Variants in SANBR observed in about 807,000 individuals in gnomAD.
SANBR encodes the protein SANT and BTB domain regulator of class switch recombination.
SANBR carries 77 observed loss-of-function variants against 101.8 expected under a neutral mutation model. That is an observed-to-expected ratio of 0.76 (90% CI 0.63 to 0.91). SANBR has a LOEUF of 0.91. SANBR is among the 40% of genes least tolerant of loss of function. The pLI, the probability that SANBR is intolerant of heterozygous loss-of-function variation, is 0.00. For missense variants in SANBR, 875 were observed against 853.0 expected, an observed-to-expected ratio of 1.03 and a Z score of -0.32; for synonymous variants, 279 against 274.7, an observed-to-expected ratio of 1.02 and a Z score of -0.15.
At position 61,083,055 on chromosome 2, in the gene SANBR, A is replaced by G. The variant is rs1682223984; in HGVS notation, c.730-99A>G. 3.1e-6 allele frequency: 3 copies of G among 967,902 alleles called. No homozygotes were observed. In the Admixed American group the frequency reaches 7.0e-5, roughly 23 times the overall value. 60.0% of individuals were successfully genotyped at this position (967,902 alleles called of 1,614,324 possible). On this transcript the variant is annotated intron_variant, in intron 7 of 21. Transcript: ENST00000402291. ...AAACCCAGTTAGTGCCTAGCAATAT[A>G]TGGATTAGACTTTTAATGAATTTTA...
chr2:61,106,511 A>C, intron 13 of SANBR, 52 bp from the exon 14 acceptor site: 1 of 1,259,670 alleles, frequency 7.9e-7, no homozygotes. Context: ...ATTCACATTT[A>C]AATTTTTAAG....
intron 16 of SANBR, among the ~76,000 whole-genome samples, chr2:61,110,134 A>G (rs908581348): frequency 1.1e-4 from 17 of 152,314 alleles, no homozygotes; most frequent in African/African-American, 3.6e-4. Context: ...TATGAATAGA[A>G]TCATGAGTAA....
intron 8 of SANBR, 41 bp from the exon 9 acceptor site, chr2:61,088,118 T>C: frequency 9.4e-7 from 1 of 1,065,498 alleles, no homozygotes. Context: ...CACTATAAAG[T>C]AGTGTAGAAA....
chr2:61,105,231 T>A (rs1683499056), intron 13 of SANBR, among the ~76,000 whole-genome samples: 1 of 151,942 alleles, frequency 6.6e-6, no homozygotes, highest in African/African-American at 2.4e-5. Context: ...CCAGGCATGG[T>A]GGCAGGTGCC....
chr2:61,122,222 C>A lies in SANBR; in HGVS notation c.*60C>A. 6.6e-7 allele frequency: 1 copy of A among 1,506,638 alleles called. No homozygotes were observed. Among genetic ancestry groups the A allele is most frequent in the South Asian group, 1.3e-5 (1 of 74,930 alleles). The allele number at this position is 1,506,638 out of a possible 1,614,324, so 93.3% of individuals were successfully genotyped here. ...ACTCTTCTGGACATCTGAAATTGCT[C>A]ACTTCTTGAAGATCTTCAGAACAAT... On this transcript the variant is annotated 3_prime_UTR_variant, in exon 22 of 22. Coordinates refer to ENST00000402291, the MANE Select transcript of SANBR (RefSeq NM_001129993.3).
chr2:61,076,794 A>G (rs927130982), intron 5 of SANBR, 126 bp from the exon 6 acceptor site: 1 of 669,408 alleles, frequency 1.5e-6, no homozygotes, highest in East Asian at 2.7e-5. Context: ...TCAAGACCCT[A>G]TAAAACTGAT....
At chr2:61,109,977 T>A (rs778307503) in intron 16 of SANBR, among the ~76,000 whole-genome samples, 2 of 152,132 alleles carry the variant, frequency 1.3e-5, no homozygotes, top group Non-Finnish European at 2.9e-5. Flanking sequence ...TGTACAACTA[T>A]AAAATTAACT....
At chr2:61,128,538 G>A (rs1336995655), downstream of SANBR, among the ~76,000 whole-genome samples, 1 of 151,662 alleles carries the variant, frequency 6.6e-6, no homozygotes, top group Non-Finnish European at 1.5e-5. Context: ...TCTTGCCCAG[G>A]CTGGAGTGCA....
At chr2:61,077,371 A>C (rs780449909) in intron 6 of SANBR, among the ~76,000 whole-genome samples, 1 of 152,206 alleles carries the variant, frequency 6.6e-6, no homozygotes, top group Non-Finnish European at 1.5e-5. Context: ...GCAGTTCCCA[A>C]TGTATGGTGT....
intron 8 of SANBR, 53 bp from the exon 9 acceptor site, chr2:61,088,106 A>C (rs1429951347): frequency 3.2e-6 from 3 of 937,808 alleles, no homozygotes; most frequent in Middle Eastern, 2.6e-4. Flanking sequence ...GTTTATTTTC[A>C]TCACTATAAA....
intron 15 of SANBR, among the ~76,000 whole-genome samples, chr2:61,108,690 C>T (rs1683685645): frequency 6.6e-6 from 1 of 150,608 alleles, no homozygotes; most frequent in Non-Finnish European, 1.5e-5. Context: ...TACCTGTTTG[C>T]CAGTACTATG....
chr2:61,073,946 T>G (rs916684499), intron 5 of SANBR, among the ~76,000 whole-genome samples: 1 of 144,648 alleles, frequency 6.9e-6, no homozygotes, highest in African/African-American at 2.7e-5. Flanking sequence ...AGAATTAAAA[T>G]GTCTTTCAGT....
chr2:61,116,697 A>G (rs1160090088), intron 17 of SANBR, among the ~76,000 whole-genome samples: 1 of 152,120 alleles, frequency 6.6e-6, no homozygotes, highest in Non-Finnish European at 1.5e-5. Context: ...CATTGGACAC[A>G]TTGTACATTC....
chr2:61,134,361 T>G (rs1684782332), intron 21 of SANBR: 1 of 1,371,818 alleles, frequency 7.3e-7, no homozygotes, highest in Non-Finnish European at 9.8e-7. Context: ...TTCCCATTTT[T>G]GGCTTGGCTC....
At chr2:61,083,433 G>GT in intron 8 of SANBR, 119 bp downstream of exon 8, 1 of 734,756 alleles carries the variant, frequency 1.4e-6, no homozygotes, top group Non-Finnish European at 2.2e-6. Flanking sequence ...TTCTCACTCT[G>GT]TTGTTCAGGC....
chr2:61,077,180 A>C (rs1681835565), intron 6 of SANBR, 22 bp downstream of exon 6: 1 of 1,523,166 alleles, frequency 6.6e-7, no homozygotes, highest in South Asian at 1.1e-5. Context: ...TCTGTTGCTT[A>C]ATTTGTAGTG....
At position 61,073,434 on chromosome 2, in the gene SANBR, TATGTG is replaced by T; in HGVS notation, c.338-23_338-19del. ...ACTAACCCCCACCTTTTTTTTTTTG[TATGTG>T]TTTGTTTCTGTATTTAAGGAAGACA... On this transcript the variant is annotated intron_variant, in intron 4 of 21. Coordinates refer to ENST00000402291, the MANE Select transcript of SANBR (RefSeq NM_001129993.3). 1 of 1,171,808 alleles carries T rather than the reference TATGTG, an allele frequency of 8.5e-7. No homozygotes were observed. Among genetic ancestry groups the T allele is most frequent in the Admixed American group, 2.3e-5 (1 of 43,828 alleles). The allele number at this position is 1,171,808 out of a possible 1,614,324, so 72.6% of individuals were successfully genotyped here.
rs1022547782 is a variant in SANBR at position 61,122,446 on chromosome 2, T to C, written c.*284T>C. 36 of 1,122,408 alleles carry C rather than the reference T, an allele frequency of 3.2e-5. No homozygotes were observed. The highest frequency in any genetic ancestry group is 4.6e-5 in the Admixed American group (1 of 21,590). 69.5% of individuals were successfully genotyped at this position (1,122,408 alleles called of 1,614,324 possible). A position where few individuals can be genotyped will look rare whatever the true frequency, so the allele number is the denominator to read the frequency against. ...TAGTTGAGACTCCCAGTGTTTTCCT[T>C]TATTTATTTGAAAAAGAAAGGCCTA... is the stretch of plus-strand genomic sequence containing the variant. On this transcript the variant is annotated 3_prime_UTR_variant, in exon 22 of 22. Coordinates refer to ENST00000402291, the MANE Select transcript of SANBR (RefSeq NM_001129993.3).
In SANBR at chr2:61,123,107, A is replaced by G; in HGVS notation, c.*945A>G. On this transcript the variant is annotated 3_prime_UTR_variant, in exon 22 of 22. Transcript: ENST00000402291. Reference sequence around the variant, plus strand: ...ATCAAAATAAAATTCTATTTTATAAATCATGTTTAAATTTTTCTAGCCAGG... The same window carrying G: ...ATCAAAATAAAATTCTATTTTATAAGTCATGTTTAAATTTTTCTAGCCAGG... 1.0e-6 allele frequency: 1 copy of G among 970,840 alleles called. No homozygotes were observed. Among genetic ancestry groups the G allele is most frequent in the Non-Finnish European group, 1.2e-6 (1 of 816,550 alleles). 60.1% of individuals were successfully genotyped at this position (970,840 alleles called of 1,614,324 possible).
Sources: gnomAD v4.1 joint callset for allele counts (sites outside exome capture counted in the v4.1 genomes callset) on GRCh38, gnomAD v4.1.1 for gene constraint, MANE v1.5 for transcripts, NCBI Gene and HGNC (gene_info 2026-07-23, HGNC 2026-07-21) for gene names.